ANO1: variants seen among roughly 807,000 people sequenced by gnomAD.
ANO1 encodes the protein anoctamin 1, also known as anoctamin-1.
In ANO1, 59 loss-of-function variants were observed where a neutral mutation model predicts 124.0. That is an observed-to-expected ratio of 0.48 (90% CI 0.39 to 0.59). The LOEUF is 0.59. Among genes scored for constraint, ANO1 ranks in the 20% least tolerant of loss-of-function variants. The probability of loss-of-function intolerance (pLI) is 0.00; values close to 1 mark genes in which losing one functional copy is unlikely to be tolerated. For missense variants in ANO1, 1,059 were observed against 1,328.0 expected (o/e 0.80, Z 3.15); for synonymous variants, 529 against 532.0 (o/e 0.99, Z 0.08).
rs1590914886 is a variant in ANO1, at chr11:70,170,821, T to G, written c.2198-66T>G. 3.3e-6 allele frequency: 5 copies of G among 1,536,304 alleles called. 1 individual carries two copies. The highest frequency in any genetic ancestry group is 2.5e-5 in the South Asian group (2 of 81,606). On this transcript the variant is annotated intron_variant, in intron 21 of 25. Coordinates refer to ENST00000355303, the MANE Select transcript of ANO1 (RefSeq NM_018043.7). ...GACCTGTGCGGCTCGGCACACGGGGTGGTGGAGTCCCCCCTTATGGGCTGT... is the reference window on the plus strand; with the variant it reads ...GACCTGTGCGGCTCGGCACACGGGGGGGTGGAGTCCCCCCTTATGGGCTGT...
chr11:70,117,096 C>CTTTTTTTTTTTTTTTTT (rs1479602475), intron 8 of ANO1, among the ~76,000 whole-genome samples: 3 of 75,966 alleles, frequency 3.9e-5, no homozygotes, highest in Non-Finnish European at 5.3e-5. Context: ...TTCTTTGTTT[C>CTTTTTTTTTTTTTTTTT]TTTCTTTTTT....
intron 1 of ANO1, among the ~76,000 whole-genome samples, chr11:69,998,531 G>A (rs1554998739): frequency 6.6e-6 from 1 of 152,224 alleles, no homozygotes; most frequent in East Asian, 1.9e-4. Flanking sequence ...GCTGTTTCCA[G>A]TTCGAAGCCA....
At chr11:69,984,028 T>C (rs1043630591), upstream of ANO1, among the ~76,000 whole-genome samples, 20 of 152,320 alleles carry the variant, frequency 1.3e-4, no homozygotes, top group Admixed American at 2.0e-4. Flanking sequence ...CATTTTTTTT[T>C]CCCCCTGAGC....
At chr11:70,162,663 G>A (rs1217147155) in intron 18 of ANO1, among the ~76,000 whole-genome samples, 1 of 130,776 alleles carries the variant, frequency 7.6e-6, no homozygotes, top group Non-Finnish European at 1.5e-5. Context: ...CCCCCAAAAA[G>A]GCTGCCTCCT....
chr11:70,125,898 C>T (rs2046491745), intron 9 of ANO1, among the ~76,000 whole-genome samples, 163 bp from the exon 10 acceptor site: 2 of 151,656 alleles, frequency 1.3e-5, no homozygotes, highest in African/African-American at 4.8e-5. Flanking sequence ...GCAGAGAGCA[C>T]CCCCAACCTG....
chr11:70,073,232 G>C (rs576171771), intron 1 of ANO1, among the ~76,000 whole-genome samples: 2 of 152,272 alleles, frequency 1.3e-5, no homozygotes, highest in Admixed American at 6.5e-5. Flanking sequence ...CCCCTCGGCA[G>C]GGTTTCCGAT....
intron 8 of ANO1, among the ~76,000 whole-genome samples, chr11:70,117,642 C>T (rs2046041546): frequency 6.6e-6 from 1 of 152,192 alleles, no homozygotes; most frequent in Non-Finnish European, 1.5e-5. Context: ...CCAGCTTTCC[C>T]TCTCGGGAAG....
chr11:70,029,131 C>A (rs1201556406), intron 1 of ANO1, among the ~76,000 whole-genome samples: 1 of 152,164 alleles, frequency 6.6e-6, no homozygotes, highest in Non-Finnish European at 1.5e-5. Context: ...CCTGGCAGCC[C>A]CTGTGGGTGC....
chr11:70,003,131 C>G (rs1856416987), intron 1 of ANO1, among the ~76,000 whole-genome samples: 1 of 152,106 alleles, frequency 6.6e-6, no homozygotes, highest in South Asian at 2.1e-4. Context: ...TTTTATCACT[C>G]TAAAATACAC....
chr11:70,018,614 T>A (rs781827443), intron 1 of ANO1, among the ~76,000 whole-genome samples: 21 of 152,066 alleles, frequency 1.4e-4, no homozygotes, highest in Admixed American at 2.6e-4. Flanking sequence ...CAGAACCCCC[T>A]CCCAACCTGG....
At chr11:70,097,191 T>A (rs750684054) in intron 2 of ANO1, among the ~76,000 whole-genome samples, 3 of 152,294 alleles carry the variant, frequency 2.0e-5, no homozygotes, top group Non-Finnish European at 4.4e-5. Context: ...TGGCAAGGGC[T>A]GGGATTAAAG....
intron 24 of ANO1, 120 bp downstream of exon 24, chr11:70,182,806 G>T: frequency 1.1e-6 from 1 of 899,654 alleles, no homozygotes; most frequent in Non-Finnish European, 1.5e-6. Flanking sequence ...TGCTTAAAAA[G>T]AAGAAGAAGG....
intron 1 of ANO1, among the ~76,000 whole-genome samples, chr11:70,086,255 C>T (rs1038317890): frequency 3.3e-5 from 5 of 152,274 alleles, no homozygotes; most frequent in African/African-American, 9.6e-5. Flanking sequence ...TTTCTTATTT[C>T]GGAAACCCAG....
chr11:70,119,535 AATGG>A (rs1458586566), intron 8 of ANO1, among the ~76,000 whole-genome samples: 1 of 148,198 alleles, frequency 6.7e-6, no homozygotes, highest in Non-Finnish European at 1.5e-5. Context: ...TGGATGGATA[AATGG>A]ATGGATGGGT....
At chr11:70,111,829 C>A in intron 7 of ANO1, 67 bp downstream of exon 7, 2 of 1,520,320 alleles carry the variant, frequency 1.3e-6, no homozygotes, top group East Asian at 2.3e-5. Context: ...CGGGCCACAC[C>A]CCCCCGGGAG....
chr11:70,078,134 A>G (rs1488607126), upstream of ANO1, among the ~76,000 whole-genome samples: 1 of 152,108 alleles, frequency 6.6e-6, no homozygotes, highest in East Asian at 1.9e-4. Flanking sequence ...CGGTATGAAA[A>G]CCCTCAAAAA....
intron 8 of ANO1, among the ~76,000 whole-genome samples, chr11:70,120,951 C>T (rs2046238996): frequency 6.6e-6 from 1 of 152,192 alleles, no homozygotes; most frequent in African/African-American, 2.4e-5. Context: ...CCTTGGATTC[C>T]TTCCAGCACT....
chr11:70,182,240 C>T (rs1590943876), intron 23 of ANO1, among the ~76,000 whole-genome samples: 1 of 152,382 alleles, frequency 6.6e-6, no homozygotes, highest in Admixed American at 6.5e-5. Context: ...AGGCTGCCAG[C>T]GTCTGCCTGG....
intron 1 of ANO1, among the ~76,000 whole-genome samples, chr11:69,989,264 T>C (rs1856109147): frequency 6.6e-6 from 1 of 152,176 alleles, no homozygotes; most frequent in South Asian, 2.1e-4. Context: ...TTAATCATGG[T>C]GCTATCTTAC....
Sources: allele counts gnomAD v4.1 joint callset (sites outside exome capture counted in the v4.1 genomes callset), GRCh38; gene constraint gnomAD v4.1.1; transcripts MANE v1.5; gene names NCBI Gene and HGNC (gene_info 2026-07-23, HGNC 2026-07-21).